Variants in POC1A observed in about 807,000 individuals in gnomAD.
The protein encoded by POC1A is POC1 centriolar protein homolog A.
A neutral mutation model predicts 47.8 loss-of-function variants in POC1A; 34 were observed. The observed-to-expected ratio is 0.71, with a 90% CI of 0.54 to 0.95. The LOEUF is 0.95. Ranked by LOEUF, POC1A falls within the 40% of genes least tolerant of loss-of-function variation. The pLI, the probability that POC1A is intolerant of heterozygous loss-of-function variation, is 0.00. For missense variants in POC1A, 466 were observed against 528.3 expected, an observed-to-expected ratio of 0.88 and a Z score of 1.16; for synonymous variants, 177 against 207.6, an observed-to-expected ratio of 0.85 and a Z score of 1.27.
chr3:52,096,685 C>T lies in POC1A; in HGVS notation c.1009G>A (p.Gly337Ser), dbSNP rs1702827182. 6.2e-7 allele frequency: 1 copy of T among 1,603,548 alleles called. No homozygotes were observed. Among genetic ancestry groups the T allele is most frequent in the African/African-American group, 1.4e-5 (1 of 73,918 alleles). ...ACAGACTCCACACTCCTGCCTCTGC[C>T]TGGGGGGACAGGGAAGTCCACTTCT... is the stretch of plus-strand genomic sequence containing the variant. Reference protein sequence around the residue: ...LPEVDFPVPPGRGRSVESVQS... With the variant: ...LPEVDFPVPPSRGRSVESVQS... The change falls in exon 10 of 11, where the codon GGC becomes AGC. Residue 337 changes from glycine to serine, a missense_variant. Physicochemically the swap from Gly to Ser is moderately conservative, Grantham distance 56. Coordinates refer to ENST00000296484, the MANE Select transcript of POC1A (RefSeq NM_015426.5).
intron 2 of POC1A, among the ~76,000 whole-genome samples, chr3:52,150,292 T>TC (rs35252181): frequency 6.6e-6 from 1 of 151,680 alleles, no homozygotes; most frequent in Non-Finnish European, 1.5e-5. Context: ...GCCCAGGGTC[T>TC]CCCCCCAGAC....
intron 6 of POC1A, 28 bp from the exon 7 acceptor site, chr3:52,138,330 G>A (rs755505924): frequency 1.3e-6 from 2 of 1,596,376 alleles, no homozygotes; most frequent in African/African-American, 1.3e-5. Flanking sequence ...GTCAGGTGCT[G>A]GCTAGGAGGC....
At position 52,151,114 on chromosome 3, in the gene POC1A, A is replaced by C. The variant is rs1479785061; in HGVS notation, c.19-14T>G. On this transcript the variant is annotated splice_polypyrimidine_tract_variant and intron_variant, in intron 1 of 10. Transcript: ENST00000296484. ...CGAGGGGTCCTCCTGAGAGAGAGCC[A>C]GGGTCAAATGTGTGAAGCCTGGGTG... The C allele has an allele frequency of 6.2e-7, 1 of 1,613,124 alleles. No individual in the cohort carries two copies. Among genetic ancestry groups the C allele is most frequent in the Non-Finnish European group, 8.5e-7 (1 of 1,179,430 alleles).
rs375786395 is a variant in POC1A, at chr3:52,084,185, C to T, written c.1126-8200G>A. Among the ~76,000 whole-genome samples, 28 of 152,336 alleles carry T rather than the reference C, an allele frequency of 1.8e-4. 1 individual carries two copies. In the South Asian group the frequency reaches 5.2e-3, roughly 28 times the overall value. ...CCACCTGGTCCTACAGTCCATGAAACGGAAGTGAATGGACAGACTGGCACT... is the reference window on the plus strand; with the variant it reads ...CCACCTGGTCCTACAGTCCATGAAATGGAAGTGAATGGACAGACTGGCACT... On this transcript the variant is annotated intron_variant, in intron 10 of 10. Transcript: ENST00000296484. This position sits in a 1 kb window ranked among gnomAD's most constrained non-coding sequence, Gnocchi z 4.3.
At chr3:52,118,179 C>G (rs1258339383) in intron 9 of POC1A, among the ~76,000 whole-genome samples, 1 of 152,172 alleles carries the variant, frequency 6.6e-6, no homozygotes, top group Non-Finnish European at 1.5e-5. Context: ...TTCCCCCAGC[C>G]TTGTAGCATG....
At chr3:52,144,799 T>A (rs1051318632) in intron 6 of POC1A, among the ~76,000 whole-genome samples, 4 of 152,156 alleles carry the variant, frequency 2.6e-5, no homozygotes, top group Non-Finnish European at 5.9e-5. Context: ...TCTGGGAAGG[T>A]GTGCTCACCT....
chr3:52,147,848 C>T (rs1023026825), intron 4 of POC1A, among the ~76,000 whole-genome samples: 7 of 152,050 alleles, frequency 4.6e-5, no homozygotes, highest in South Asian at 2.1e-4. Context: ...CGTTTTCTTA[C>T]GTAGCTTCAT....
rs183684075 is a variant in POC1A, at chr3:52,154,073, A to G, written c.18+282T>C. Among the ~76,000 whole-genome samples the G allele has an allele frequency of 1.6e-3, 243 of 152,372 alleles. 2 individuals carry two copies. The highest frequency in any genetic ancestry group is 5.7e-4 in the Non-Finnish European group (39 of 68,034). On this transcript the variant is annotated intron_variant, in intron 1 of 10. Coordinates refer to ENST00000296484, the MANE Select transcript of POC1A (RefSeq NM_015426.5). ...GCCCGATACCGGCCCCAGGTCACAC[A>G]TGAGTCGGGACTTGGTCGTGTGTCC...
intron 10 of POC1A, among the ~76,000 whole-genome samples, chr3:52,081,695 T>A (rs998913849): frequency 5.3e-5 from 8 of 152,058 alleles, no homozygotes; most frequent in Non-Finnish European, 1.5e-5. Context: ...AGCTTCATCT[T>A]CACCCTCAGA....
chr3:52,143,379 C>T (rs954441781), intron 6 of POC1A, among the ~76,000 whole-genome samples: 3 of 152,098 alleles, frequency 2.0e-5, no homozygotes, highest in Non-Finnish European at 4.4e-5. Flanking sequence ...CCCCAGTACC[C>T]ACCGCTCTCC....
At chr3:52,108,626 C>T (rs1447045122) in intron 9 of POC1A, among the ~76,000 whole-genome samples, 3 of 152,178 alleles carry the variant, frequency 2.0e-5, no homozygotes, top group Non-Finnish European at 2.9e-5. Flanking sequence ...CGAGCAAAGC[C>T]TGCCAAGATA....
Position 52,125,173 on chromosome 3 carries a change from G to A in POC1A, c.822C>T (p.Ala274=), listed in dbSNP as rs371309795. The change falls in exon 8 of 11, where the codon GCC becomes GCT. Residue 274 remains alanine (A), a synonymous_variant. Transcript: ENST00000296484. ...LYTLHGHQGP[A]TTVAFSRTGE... The stretch of plus-strand genomic sequence containing the variant: ...CCGTTCTTGAAAAGGCAACAGTGGT[G>A]GCTGGTCCCTGGCAGAACAAACAAA... 2 of 1,613,708 alleles carry A rather than the reference G, an allele frequency of 1.2e-6. No homozygotes were observed. The highest frequency in any genetic ancestry group is 1.7e-6 in the Non-Finnish European group (2 of 1,179,634).
chr3:52,106,309 C>A (rs1703183855), intron 9 of POC1A, among the ~76,000 whole-genome samples: 1 of 152,118 alleles, frequency 6.6e-6, no homozygotes, highest in Admixed American at 6.5e-5. Flanking sequence ...TCAGAGCCAC[C>A]CCTTGACCTC....
At chr3:52,150,966 T>G in intron 2 of POC1A, 50 bp downstream of exon 2, 1 of 1,579,870 alleles carries the variant, frequency 6.3e-7, no homozygotes, top group Non-Finnish European at 8.7e-7. Flanking sequence ...GGTAAAAACT[T>G]GGCCTGTTCA....
At chr3:52,098,298 T>G (rs969384165) in intron 9 of POC1A, among the ~76,000 whole-genome samples, 1 of 152,120 alleles carries the variant, frequency 6.6e-6, no homozygotes, top group Non-Finnish European at 1.5e-5. Context: ...CAGCCAGCAT[T>G]GTCATGGAAT....
chr3:52,130,642 C>T (rs1459960876), intron 7 of POC1A, among the ~76,000 whole-genome samples: 1 of 152,204 alleles, frequency 6.6e-6, no homozygotes, highest in Non-Finnish European at 1.5e-5. Context: ...ACCACCCAAG[C>T]CAGGTGTGAC....
Position 52,151,006 on chromosome 3 carries a change from C to T in POC1A, c.103+10G>A, listed in dbSNP as rs761114947. 1.9e-6 allele frequency: 3 copies of T among 1,613,678 alleles called. No individual in the cohort carries two copies. Among genetic ancestry groups the T allele is most frequent in the Admixed American group, 3.3e-5 (2 of 59,998 alleles). On this transcript the variant is annotated intron_variant, in intron 2 of 10. Coordinates refer to ENST00000296484, the MANE Select transcript of POC1A (RefSeq NM_015426.5). ...ATAACCTAGCACCTAGACAGGGTGC[C>T]TCTTCTTACCCAGCTGCTTTGTGTT... is the stretch of plus-strand genomic sequence containing the variant.
chr3:52,081,736 G>A (rs77861329), intron 10 of POC1A, among the ~76,000 whole-genome samples: 12,843 of 152,086 alleles, frequency 0.084, 693 homozygotes, highest in African/African-American at 0.14. Context: ...GCTAGGCTGA[G>A]GGGATTTGAG....
At chr3:52,149,151 T>TGGGCCAGCCCCC in intron 4 of POC1A, 59 bp downstream of exon 4, 2 of 1,525,798 alleles carry the variant, frequency 1.3e-6, no homozygotes, top group Middle Eastern at 1.9e-4. Flanking sequence ...TAGCAGCCCC[T>TGGGCCAGCCCCC]GGGCCAGCCC....
Sources: allele counts gnomAD v4.1 joint callset (sites outside exome capture counted in the v4.1 genomes callset), GRCh38; gene constraint gnomAD v4.1.1; non-coding constraint Gnocchi (gnomAD v3.1); transcripts MANE v1.5; gene names NCBI Gene and HGNC (gene_info 2026-07-23, HGNC 2026-07-21).